The following XKR9 variants were observed in gnomAD, a reference collection of about 807,000 sequenced individuals.
XKR9 encodes XK related 9, also known as XK-related protein 9.
In XKR9, 32 loss-of-function variants were observed where a neutral mutation model predicts 32.0. The ratio of observed to expected loss-of-function variants is 1.00; its 90% CI spans 0.76 to 1.34. The LOEUF (loss-of-function observed/expected upper bound fraction) is 1.34. Among genes scored for constraint, XKR9 ranks in the 40% most tolerant of loss-of-function variants. The pLI, the probability that XKR9 is intolerant of heterozygous loss-of-function variation, is 0.00. For synonymous variants in XKR9, 168 were observed against 143.4 expected (o/e 1.17, Z -1.22); for missense variants, 546 against 429.7 (o/e 1.27, Z -2.39).
chr8:70,853,530 A>T, the XKR9 span, among the ~76,000 whole-genome samples: 10 of 151,672 alleles, frequency 6.6e-5, no homozygotes, highest in Admixed American at 6.6e-4. Context: ...ACAAATGAAC[A>T]AAAAAAAGAC....
chr8:71,024,678 A>G, the XKR9 span, among the ~76,000 whole-genome samples: 2 of 152,158 alleles, frequency 1.3e-5, no homozygotes, highest in South Asian at 2.1e-4. Context: ...ACAAGAGTCC[A>G]TGGTAAGAAT....
chr8:70,998,907 A>C, the XKR9 span, among the ~76,000 whole-genome samples: 463 of 152,264 alleles, frequency 3.0e-3, 3 homozygotes, highest in South Asian at 0.018. Flanking sequence ...GTAGATACCA[A>C]AATCCTGGGA....
At chr8:70,934,631 A>G in the XKR9 span, among the ~76,000 whole-genome samples, 1 of 152,088 alleles carries the variant, frequency 6.6e-6, no homozygotes, top group East Asian at 1.9e-4. Flanking sequence ...CTTTGCAATT[A>G]CTATGCAAGC....
the XKR9 span, among the ~76,000 whole-genome samples, chr8:71,047,156 C>G: frequency 1.3e-5 from 2 of 152,248 alleles, no homozygotes; most frequent in East Asian, 3.9e-4. Flanking sequence ...CTTGTGCAAA[C>G]ACATCATTAA....
the XKR9 span, among the ~76,000 whole-genome samples, chr8:70,902,640 G>A: frequency 1.5e-3 from 224 of 152,168 alleles, 3 homozygotes; most frequent in Non-Finnish European, 2.2e-4. Flanking sequence ...TCTACTGCCT[G>A]ATTGCCCTGG....
At chr8:70,749,298 C>T (rs1807101396) in intron 2 of XKR9, among the ~76,000 whole-genome samples, 1 of 152,210 alleles carries the variant, frequency 6.6e-6, no homozygotes, top group Admixed American at 6.5e-5. Flanking sequence ...CCATGCCTGC[C>T]ACATTGTGGG....
At chr8:70,730,036 A>C (rs1563454694) in intron 4 of XKR9, among the ~76,000 whole-genome samples, 1 of 152,196 alleles carries the variant, frequency 6.6e-6, no homozygotes, top group Non-Finnish European at 1.5e-5. Flanking sequence ...TACTTATCCG[A>C]GGTGGTAACT....
chr8:71,023,774 A>C, the XKR9 span, among the ~76,000 whole-genome samples: 2 of 152,102 alleles, frequency 1.3e-5, no homozygotes, highest in African/African-American at 4.8e-5. Context: ...GACCACTCCC[A>C]AGCCCCCATG....
intron 2 of XKR9, among the ~76,000 whole-genome samples, chr8:70,768,935 G>T (rs939503770): frequency 1.3e-5 from 2 of 152,078 alleles, no homozygotes; most frequent in Non-Finnish European, 2.9e-5. Context: ...TACATTTAAG[G>T]TTAATATTGT....
Position 70,681,101 on chromosome 8 carries a change from A to G in XKR9, c.43A>G (p.Ile15Val), listed in dbSNP as rs765675710. Residue 15 changes from isoleucine (I) to valine (V), a missense_variant, in exon 3 of 5, where the codon ATT becomes GTT. Ile to Val is a conservative substitution (Grantham distance 29). Transcript: ENST00000408926. ...GAATTTTATGATGTCAGTTCTTGGC[A>G]TTATAATCTACGTAACTGATTTAAT... ...KQNFMMSVLG[I>V]IIYVTDLIVD... The G allele has an allele frequency of 6.2e-7, 1 of 1,613,300 alleles. No homozygotes were observed. The highest frequency in any genetic ancestry group is 1.1e-5 in the South Asian group (1 of 91,032).
chr8:70,704,877 C>G (rs914718418), intron 3 of XKR9, among the ~76,000 whole-genome samples: 3 of 152,224 alleles, frequency 2.0e-5, no homozygotes, highest in African/African-American at 7.2e-5. Context: ...TCTGTACTTA[C>G]AGCTCAACAT....
intron 2 of XKR9, among the ~76,000 whole-genome samples, chr8:70,741,797 G>A (rs1190688394): frequency 6.6e-6 from 1 of 152,140 alleles, no homozygotes; most frequent in Non-Finnish European, 1.5e-5. Flanking sequence ...TGATCACGTG[G>A]TAATTCTGTT....
chr8:70,845,920 AAGATTT>A, the XKR9 span, among the ~76,000 whole-genome samples: 2 of 152,188 alleles, frequency 1.3e-5, no homozygotes. Flanking sequence ...AGTCTAGTAA[AAGATTT>A]AGACATACAA....
At chr8:70,793,729 G>T (rs879115975), downstream of XKR9, among the ~76,000 whole-genome samples, 1 of 152,028 alleles carries the variant, frequency 6.6e-6, no homozygotes, top group South Asian at 2.1e-4. Context: ...CTTTATGTCA[G>T]TTCCACACTG....
chr8:70,781,263 G>T (rs566413169), intron 2 of XKR9, among the ~76,000 whole-genome samples: 2 of 151,690 alleles, frequency 1.3e-5, no homozygotes, highest in Non-Finnish European at 2.9e-5. Context: ...ATTTTAAATT[G>T]GGTTATTTGT....
At chr8:70,698,089 G>T (rs1382319564) in intron 3 of XKR9, among the ~76,000 whole-genome samples, 8 of 151,812 alleles carry the variant, frequency 5.3e-5, no homozygotes, top group Admixed American at 2.0e-4. Flanking sequence ...TTCTTTATTA[G>T]TCTTGCTAGC....
intron 1 of XKR9, among the ~76,000 whole-genome samples, chr8:70,670,843 C>G (rs79976574): frequency 2.1e-3 from 319 of 152,234 alleles, no homozygotes; most frequent in African/African-American, 7.0e-3. Context: ...TTCAATCTGT[C>G]AATATGTATT....
intron 2 of XKR9, among the ~76,000 whole-genome samples, chr8:70,771,163 G>A (rs945338992): frequency 6.6e-6 from 1 of 152,138 alleles, no homozygotes; most frequent in African/African-American, 2.4e-5. Context: ...TTGGCTAGGG[G>A]ACGGAGTTCC....
the XKR9 span, among the ~76,000 whole-genome samples, chr8:70,862,108 G>A: frequency 6.6e-6 from 1 of 152,188 alleles, no homozygotes; most frequent in Non-Finnish European, 1.5e-5. Context: ...GGATGGCTGA[G>A]AAGCAGTCAT....
Sources: gnomAD v4.1 joint callset for allele counts (sites outside exome capture counted in the v4.1 genomes callset) on GRCh38, gnomAD v4.1.1 for gene constraint, MANE v1.5 for transcripts, NCBI Gene and HGNC (gene_info 2026-07-23, HGNC 2026-07-21) for gene names.